FGD5: variants seen among roughly 807,000 people sequenced by gnomAD.
FGD5 encodes FYVE, RhoGEF and PH domain-containing protein 5.
A neutral mutation model predicts 133.4 loss-of-function variants in FGD5; 28 were observed. That is an observed-to-expected ratio of 0.21 (90% confidence interval 0.16 to 0.29). The LOEUF is 0.29. Among genes scored for constraint, FGD5 ranks in the 10% least tolerant of loss-of-function variants. The probability of loss-of-function intolerance (pLI) is 1.00; values close to 1 mark genes in which losing one functional copy is unlikely to be tolerated. For missense variants in FGD5, 1,858 were observed against 1,895.2 expected (o/e 0.98, Z 0.36); for synonymous variants, 810 against 776.5 (o/e 1.04, Z -0.72).
chr3:14,829,908 AT>A (rs201002688), intron 1 of FGD5, among the ~76,000 whole-genome samples: 1 of 151,968 alleles, frequency 6.6e-6, no homozygotes, highest in Non-Finnish European at 1.5e-5. Flanking sequence ...ACTTTTATGT[AT>A]TTTTTTTACT....
intron 4 of FGD5, among the ~76,000 whole-genome samples, chr3:14,894,305 A>G (rs2038090833): frequency 6.6e-6 from 1 of 152,140 alleles, no homozygotes. Flanking sequence ...TTTATGGCTG[A>G]ATACTATTCC....
At chr3:14,897,286 G>GTTGGGTGCTCT in intron 4 of FGD5, 1 of 554,754 alleles carries the variant, frequency 1.8e-6, no homozygotes, top group Non-Finnish European at 3.1e-6. Context: ...CAGGCGTTGG[G>GTTGGGTGCTCT]TTGGGTGCTC....
intron 1 of FGD5, among the ~76,000 whole-genome samples, chr3:14,857,504 A>T (rs957668664): frequency 6.6e-6 from 1 of 152,050 alleles, no homozygotes; most frequent in Non-Finnish European, 1.5e-5. Context: ...GTCCTTCCTC[A>T]CTTAACATAC....
intron 11 of FGD5, among the ~76,000 whole-genome samples, chr3:14,912,204 A>T (rs2038462482): frequency 6.6e-6 from 1 of 152,122 alleles, no homozygotes; most frequent in Non-Finnish European, 1.5e-5. Flanking sequence ...AGAAATCCTG[A>T]GCCTGGGCAG....
intron 2 of FGD5, among the ~76,000 whole-genome samples, chr3:14,868,350 A>C (rs2037537357): frequency 1.3e-5 from 2 of 151,324 alleles, no homozygotes; most frequent in Non-Finnish European, 2.9e-5. Flanking sequence ...TCCTGTCCTC[A>C]CGCCCTCTGT....
chr3:14,822,696 C>A (rs2036526806), intron 1 of FGD5, among the ~76,000 whole-genome samples: 3 of 152,248 alleles, frequency 2.0e-5, no homozygotes, highest in Non-Finnish European at 1.5e-5. Context: ...CTGAACCATC[C>A]TCATTGTTTG....
In FGD5 at chr3:14,902,609, TTTTAATC is replaced by T. The variant is rs1559499887; in HGVS notation, c.3264+1554_3264+1560del. Among the ~76,000 whole-genome samples, 11 of 152,304 alleles carry T rather than the reference TTTTAATC, an allele frequency of 7.2e-5. No individual in the cohort carries two copies. In the South Asian group the frequency reaches 2.3e-3, roughly 32 times the overall value. ...TTTTCCATGTGGGTCAGACATGCCC[TTTTAATC>T]TTTAAGGTCCTCTCTTCTCTCACTC... On this transcript the variant is annotated intron_variant, in intron 9 of 19. Coordinates refer to ENST00000285046, the MANE Select transcript of FGD5 (RefSeq NM_152536.4).
intron 1 of FGD5, among the ~76,000 whole-genome samples, chr3:14,858,154 T>C (rs2037322362): frequency 6.6e-6 from 1 of 152,160 alleles, no homozygotes; most frequent in African/African-American, 2.4e-5. Flanking sequence ...TGCACTGTAC[T>C]GTGTCTGAGG....
intron 2 of FGD5, among the ~76,000 whole-genome samples, chr3:14,876,406 A>G (rs1346043195): frequency 6.6e-6 from 1 of 152,228 alleles, no homozygotes; most frequent in African/African-American, 2.4e-5. Flanking sequence ...TGTGAATCAC[A>G]TCTCTGCAAT....
At chr3:14,827,817 G>C (rs1280519740) in intron 1 of FGD5, among the ~76,000 whole-genome samples, 3 of 152,146 alleles carry the variant, frequency 2.0e-5, no homozygotes, top group Non-Finnish European at 4.4e-5. Flanking sequence ...CATGCCGTCT[G>C]TTTGGAATGG....
At chr3:14,834,285 C>T (rs977332422) in intron 1 of FGD5, among the ~76,000 whole-genome samples, 1 of 152,144 alleles carries the variant, frequency 6.6e-6, no homozygotes, top group South Asian at 2.1e-4. Context: ...AGCTCTGCCA[C>T]TTACTAGCTG....
rs2125067536 is a variant in FGD5, at chr3:14,820,040, G to A, written c.969G>A (p.Glu323=). ...ATGCACAGGATGAGTCCGCCGAGGA[G>A]AGCTGCCAGATTGTCCCTTTTGAGA... ...EDHAQDESAE[E]SCQIVPFEND... The change falls in exon 1 of 20, where the codon GAG becomes GAA. Residue 323 remains glutamate, a synonymous_variant. Coordinates refer to ENST00000285046, the MANE Select transcript of FGD5 (RefSeq NM_152536.4). 1 of 1,614,042 alleles carries A rather than the reference G, an allele frequency of 6.2e-7. No individual in the cohort carries two copies. The highest frequency in any genetic ancestry group is 8.5e-7 in the Non-Finnish European group (1 of 1,179,900).
chr3:14,848,376 C>G (rs1399480124), intron 1 of FGD5, among the ~76,000 whole-genome samples: 3 of 93,512 alleles, frequency 3.2e-5, no homozygotes, highest in East Asian at 6.3e-4. Context: ...GGTCTGCTTT[C>G]TCATCCTTCC....
At chr3:14,879,931 T>C (rs1381632276) in intron 2 of FGD5, among the ~76,000 whole-genome samples, 2 of 152,030 alleles carry the variant, frequency 1.3e-5, no homozygotes, top group South Asian at 2.1e-4. Flanking sequence ...TGCTCAAGAT[T>C]GGTGGGGTCA....
At chr3:14,847,856 G>T (rs1489387749) in intron 1 of FGD5, among the ~76,000 whole-genome samples, 1 of 152,230 alleles carries the variant, frequency 6.6e-6, no homozygotes, top group Non-Finnish European at 1.5e-5. Context: ...TAGACTTGCT[G>T]TGTAGCCCAG....
intron 1 of FGD5, among the ~76,000 whole-genome samples, chr3:14,861,064 C>T (rs991031510): frequency 2.6e-5 from 4 of 152,030 alleles, no homozygotes; most frequent in African/African-American, 9.7e-5. Flanking sequence ...ATGATGAGGC[C>T]AGAGTTGGTA....
Position 14,917,299 on chromosome 3 carries a change from G to A in FGD5, c.3456G>A (p.Arg1152=), listed in dbSNP as rs781638751. The A allele has an allele frequency of 1.9e-6, 3 of 1,613,700 alleles. No homozygotes were observed. In the South Asian group the frequency reaches 3.3e-5, roughly 18 times the overall value. The part of the protein sequence containing the change: ...YTYPQKDGKY[R]LKNTLAVANM... Reference sequence around the variant, plus strand: ...ATCCCCAGAAGGATGGGAAGTACCGGCTGAAGAACACATTGGCTGTGGCCA... The same window carrying A: ...ATCCCCAGAAGGATGGGAAGTACCGACTGAAGAACACATTGGCTGTGGCCA... The change falls in exon 12 of 20, where the codon CGG becomes CGA. Residue 1152 remains arginine (R), a synonymous_variant. Coordinates refer to ENST00000285046, the MANE Select transcript of FGD5 (RefSeq NM_152536.4). This position sits in a 1 kb window ranked among gnomAD's most constrained non-coding sequence, Gnocchi z 4.1.
rs372015623 is a variant in FGD5 at position 14,880,757 on chromosome 3, C to T, written c.2733C>T (p.Leu911=). 5.0e-6 allele frequency: 8 copies of T among 1,613,816 alleles called. No individual in the cohort carries two copies. The highest frequency in any genetic ancestry group is 5.1e-6 in the Non-Finnish European group (6 of 1,179,880). Residue 911 remains leucine (L), a synonymous_variant, in exon 4 of 20, where the codon CTC becomes CTT. Transcript: ENST00000285046. ...CCCTCTGCAGATACGTGGAGATGCT[C>T]CAGCACTTAAATCTGGTGAGTTAAT... ...LSSEKAYVEM[L]QHLNLDFHGA...
At chr3:14,880,974 C>T (rs964448292) in intron 4 of FGD5, among the ~76,000 whole-genome samples, 3 of 152,144 alleles carry the variant, frequency 2.0e-5, no homozygotes, top group African/African-American at 7.2e-5. Context: ...CGTCTCCTTG[C>T]TCAGGGATGG....
Sources: allele counts gnomAD v4.1 joint callset (sites outside exome capture counted in the v4.1 genomes callset), GRCh38; gene constraint gnomAD v4.1.1; non-coding constraint Gnocchi (gnomAD v3.1); transcripts MANE v1.5; gene names NCBI Gene and HGNC (gene_info 2026-07-23, HGNC 2026-07-21).